The following FGGY variants were observed in gnomAD, a reference collection of about 807,000 sequenced individuals.
The protein encoded by FGGY is FGGY carbohydrate kinase domain containing, also known as FGGY carbohydrate kinase domain-containing protein.
In FGGY, 72 loss-of-function variants were observed where a neutral mutation model predicts 71.3. That is an observed-to-expected ratio of 1.01 (90% CI 0.84 to 1.23). The LOEUF (loss-of-function observed/expected upper bound fraction) is 1.23. FGGY is among the 50% of genes most tolerant of loss of function. The pLI, the probability that FGGY is intolerant of heterozygous loss-of-function variation, is 0.00. For missense variants in FGGY, 668 were observed against 682.3 expected, an observed-to-expected ratio of 0.98 and a Z score of 0.23; for synonymous variants, 251 against 250.3, an observed-to-expected ratio of 1.00 and a Z score of -0.02.
intron 14 of FGGY, chr1:59,697,672 T>C: frequency 7.7e-7 from 1 of 1,303,968 alleles, no homozygotes; most frequent in Non-Finnish European, 1.0e-6. Context: ...AGCTCAGTTG[T>C]GGACGATAGC....
At position 59,617,214 on chromosome 1, in the gene FGGY, C is replaced by T. The variant is rs141800784; in HGVS notation, c.1012-8774C>T. The stretch of plus-strand genomic sequence containing the variant: ...AATACACCACCTAAAGCATAAGAGA[C>T]GGGAAGTGAGAAAACAGAGAAAAAG... On this transcript the variant is annotated intron_variant, in intron 9 of 15. Transcript: ENST00000303721. Among the ~76,000 whole-genome samples, 222 of 147,790 alleles carry T rather than the reference C, an allele frequency of 1.5e-3. 1 individual carries two copies. Among genetic ancestry groups the T allele is most frequent in the East Asian group, 0.012 (63 of 5,092 alleles).
chr1:59,544,794 C>G (rs2095497224), intron 7 of FGGY, among the ~76,000 whole-genome samples: 1 of 152,224 alleles, frequency 6.6e-6, no homozygotes, highest in African/African-American at 2.4e-5. Context: ...AGACTTCAGA[C>G]CCAGAACTTT....
chr1:59,749,406 CACTA>C (rs569262845), intron 14 of FGGY, among the ~76,000 whole-genome samples: 6 of 152,188 alleles, frequency 3.9e-5, no homozygotes, highest in African/African-American at 1.2e-4. Flanking sequence ...TGGGGTCTGA[CACTA>C]ACTAACTGGG....
chr1:59,544,128 G>A (rs2095486711), intron 7 of FGGY, among the ~76,000 whole-genome samples: 1 of 152,156 alleles, frequency 6.6e-6, no homozygotes, highest in South Asian at 2.1e-4. Flanking sequence ...TAGGTTCATA[G>A]CTGGGGCCCT....
intron 8 of FGGY, among the ~76,000 whole-genome samples, chr1:59,561,750 A>G (rs547517735): frequency 6.6e-6 from 1 of 152,322 alleles, no homozygotes; most frequent in South Asian, 2.1e-4. Context: ...AGTGGGTCAC[A>G]CAATGTGTAG....
At chr1:59,510,862 T>C (rs896995600) in intron 6 of FGGY, among the ~76,000 whole-genome samples, 2 of 152,228 alleles carry the variant, frequency 1.3e-5, no homozygotes, top group Non-Finnish European at 2.9e-5. Context: ...CTTAAATTAA[T>C]CTAGAAAAAG....
At chr1:59,413,498 A>G (rs2063898164) in intron 5 of FGGY, among the ~76,000 whole-genome samples, 1 of 152,222 alleles carries the variant, frequency 6.6e-6, no homozygotes, top group South Asian at 2.1e-4. Context: ...AGACAGGAGT[A>G]TAACCATTCA....
At chr1:59,749,942 G>T (rs998335721) in intron 14 of FGGY, among the ~76,000 whole-genome samples, 7 of 152,150 alleles carry the variant, frequency 4.6e-5, no homozygotes, top group African/African-American at 1.4e-4. Context: ...TATTTTCTCT[G>T]CTTCTGAAAA....
intron 5 of FGGY, among the ~76,000 whole-genome samples, chr1:59,418,463 G>A (rs1409568664): frequency 6.6e-6 from 1 of 151,896 alleles, no homozygotes. Context: ...GGATTTAAAA[G>A]GGAAAGAGTG....
At chr1:59,510,419 C>G (rs188028937) in intron 6 of FGGY, among the ~76,000 whole-genome samples, 2 of 152,204 alleles carry the variant, frequency 1.3e-5, no homozygotes, top group African/African-American at 4.8e-5. Context: ...GTGTTAGATA[C>G]TAGCCATAGT....
At chr1:59,727,255 A>G (rs1052702925) in intron 14 of FGGY, among the ~76,000 whole-genome samples, 15 of 152,098 alleles carry the variant, frequency 9.9e-5, no homozygotes, top group Non-Finnish European at 1.5e-5. Flanking sequence ...GTAATCTGTG[A>G]TGTACATGTT....
At chr1:59,473,646 G>A (rs1248151231) in intron 6 of FGGY, among the ~76,000 whole-genome samples, 1 of 152,132 alleles carries the variant, frequency 6.6e-6, no homozygotes, top group African/African-American at 2.4e-5. Flanking sequence ...GAGTAGTTGT[G>A]GGCAAGATAG....
chr1:59,699,793 G>A (rs1027576068), intron 14 of FGGY, among the ~76,000 whole-genome samples: 1 of 152,170 alleles, frequency 6.6e-6, no homozygotes, highest in African/African-American at 2.4e-5. Flanking sequence ...TTTGTAACAG[G>A]CATGTCCCGC....
intron 8 of FGGY, among the ~76,000 whole-genome samples, chr1:59,587,227 C>A (rs1204780990): frequency 6.6e-6 from 1 of 152,194 alleles, no homozygotes; most frequent in Non-Finnish European, 1.5e-5. Context: ...TGCAAGGCGG[C>A]AGCAAGGCTG....
Position 59,439,476 on chromosome 1 carries a change from C to G in FGGY, c.555-17485C>G, listed in dbSNP as rs552808319. Among the ~76,000 whole-genome samples, 5 of 152,162 alleles carry G rather than the reference C, an allele frequency of 3.3e-5. No individual in the cohort carries two copies. In the East Asian group the frequency reaches 7.7e-4, roughly 24 times the overall value. On this transcript the variant is annotated intron_variant, in intron 5 of 15. Coordinates refer to ENST00000303721, the MANE Select transcript of FGGY (RefSeq NM_018291.5). ...AAACACCAGAAATCATCTGTGTAATCCATTCCTCTCTCTTAATGCCAGACA... is the reference window on the plus strand; with the variant it reads ...AAACACCAGAAATCATCTGTGTAATGCATTCCTCTCTCTTAATGCCAGACA...
At chr1:59,382,983 T>G (rs1264829948) in intron 5 of FGGY, among the ~76,000 whole-genome samples, 1 of 152,164 alleles carries the variant, frequency 6.6e-6, no homozygotes, top group Non-Finnish European at 1.5e-5. Context: ...GTGGCATGCA[T>G]ACACACGGTG....
chr1:59,697,630 T>G lies in FGGY; in HGVS notation c.1512+23497T>G. On this transcript the variant is annotated intron_variant, in intron 14 of 15. Transcript: ENST00000303721. ...TGAAGACTTTGGCGTGCTTAACATTTTTGTGACTTCTTTCCAGTGGGGGAA... is the reference window on the plus strand; with the variant it reads ...TGAAGACTTTGGCGTGCTTAACATTGTTGTGACTTCTTTCCAGTGGGGGAA... The G allele has an allele frequency of 3.9e-6, 5 of 1,296,094 alleles. No homozygotes were observed. The highest frequency in any genetic ancestry group is 5.1e-6 in the Non-Finnish European group (5 of 981,536). The allele number at this position is 1,296,094 out of a possible 1,614,324, so 80.3% of individuals were successfully genotyped here.
chr1:59,623,368 C>T (rs1053593812), intron 9 of FGGY, among the ~76,000 whole-genome samples: 2 of 152,184 alleles, frequency 1.3e-5, no homozygotes, highest in Non-Finnish European at 2.9e-5. Context: ...CACCAGTTTA[C>T]TAATTCTGTA....
chr1:59,648,852 A>G (rs1572618082), intron 11 of FGGY, among the ~76,000 whole-genome samples: 1 of 152,222 alleles, frequency 6.6e-6, no homozygotes, highest in African/African-American at 2.4e-5. Context: ...GGTCATGCCT[A>G]GGTTTTCTTC....
Sources: allele counts gnomAD v4.1 joint callset (sites outside exome capture counted in the v4.1 genomes callset), GRCh38; gene constraint gnomAD v4.1.1; transcripts MANE v1.5; gene names NCBI Gene and HGNC (gene_info 2026-07-23, HGNC 2026-07-21).